The following BCL11A variants were observed in gnomAD, a reference collection of about 807,000 sequenced individuals.
BCL11A encodes the protein BCL11 transcription factor A, also known as B cell CLL/lymphoma 11A.
In BCL11A, 2 loss-of-function variants were observed where a neutral mutation model predicts 55.9. The observed-to-expected ratio is 0.04, with a 90% CI of 0.01 to 0.11. BCL11A has a LOEUF of 0.11. BCL11A is among the 10% of genes least tolerant of loss of function. The pLI is 1.00. For synonymous variants in BCL11A, 465 were observed against 473.4 expected, an observed-to-expected ratio of 0.98 and a Z score of 0.23; for missense variants, 817 against 1,137.1, an observed-to-expected ratio of 0.72 and a Z score of 4.05.
At chr2:60,530,136 A>T (rs1669380933) in intron 2 of BCL11A, among the ~76,000 whole-genome samples, 1 of 152,142 alleles carries the variant, frequency 6.6e-6, no homozygotes. Flanking sequence ...AAAATCGAGA[A>T]CAAAACAAGC....
At chr2:60,474,709 T>C (rs1272224410) in intron 2 of BCL11A, among the ~76,000 whole-genome samples, 1 of 152,196 alleles carries the variant, frequency 6.6e-6, no homozygotes, top group Non-Finnish European at 1.5e-5. Context: ...CAGGATAAAT[T>C]CCATTCATTC....
chr2:60,464,676 G>A (rs780266404), intron 3 of BCL11A, among the ~76,000 whole-genome samples: 2 of 152,188 alleles, frequency 1.3e-5, no homozygotes, highest in African/African-American at 4.8e-5. Flanking sequence ...TGTAGTCATT[G>A]ATAAATGCCA....
At chr2:60,537,345 T>C (rs888265890) in intron 2 of BCL11A, 2 of 152,218 alleles carry the variant, frequency 1.3e-5, no homozygotes, top group African/African-American at 2.4e-5. Flanking sequence ...AGATTTAACA[T>C]TGGTTAATGC....
At chr2:60,452,316 A>G, downstream of BCL11A, 1 of 380,956 alleles carries the variant, frequency 2.6e-6, no homozygotes, top group Admixed American at 4.0e-5. Context: ...CATGACAGCG[A>G]TGGTCCACGG....
chr2:60,483,996 CACTT>C (rs1678119113), intron 2 of BCL11A: 2 of 152,218 alleles, frequency 1.3e-5, no homozygotes, highest in Admixed American at 6.5e-5. Context: ...TGCATTGTGA[CACTT>C]ACCGCGTATG....
rs2104750314 is a variant in BCL11A, at chr2:60,546,119, T to G, written c.237A>C (p.Lys79Asn). 6.2e-7 allele frequency: 1 copy of G among 1,614,202 alleles called. No homozygotes were observed. The highest frequency in any genetic ancestry group is 8.5e-7 in the Non-Finnish European group (1 of 1,180,046). ...KQCNGSLCLE[K>N]AVDKPPSPSP... Reference sequence around the variant, plus strand: ...AAGGGGAAGGTGGCTTATCCACAGCTTTTTCTAAGCAGAGGCTGCCATTGC... The same window carrying G: ...AAGGGGAAGGTGGCTTATCCACAGCGTTTTCTAAGCAGAGGCTGCCATTGC... Residue 79 changes from lysine to asparagine, a missense_variant, in exon 2 of 4, where the codon AAA becomes AAC. By Grantham distance (94) the Lys-to-Asn change is moderately conservative. Around this residue, in one of 4 missense-constraint regions of BCL11A, gnomAD observed 363 missense variants for 486.6 expected, o/e 0.75. Coordinates refer to ENST00000642384, the MANE Select transcript of BCL11A (RefSeq NM_022893.4). The surrounding 1 kb of genome is among the most constrained non-coding windows in gnomAD (Gnocchi z 4.1).
intron 1 of BCL11A, among the ~76,000 whole-genome samples, chr2:60,550,156 G>A (rs1670338491): frequency 6.6e-6 from 1 of 151,974 alleles, no homozygotes; most frequent in Non-Finnish European, 1.5e-5. Flanking sequence ...GCCATGCCCC[G>A]AAGCCCTAGA....
In BCL11A at chr2:60,546,188, T is replaced by A; in HGVS notation, c.168A>T (p.Pro56=). ...LTCGQCQMNF[P]LGDILIFIEH... ...CGATAAAAATAAGAATGTCCCCCAA[T>A]GGGAAGTTCATCTGGCACTGCCCAC... Residue 56 remains proline (P), a synonymous_variant, in exon 2 of 4, where the codon CCA becomes CCT. Transcript: ENST00000642384. The surrounding 1 kb of genome is among the most constrained non-coding windows in gnomAD (Gnocchi z 4.1). 6.2e-7 allele frequency: 1 copy of A among 1,614,174 alleles called. No homozygotes were observed.
chr2:60,513,142 G>C (rs2104497861), intron 2 of BCL11A, among the ~76,000 whole-genome samples: 1 of 152,292 alleles, frequency 6.6e-6, no homozygotes, highest in South Asian at 2.1e-4. Flanking sequence ...AGTCTAGCCT[G>C]TGAGGGGTTG....
At position 60,460,455 on chromosome 2, in the gene BCL11A, C is replaced by T. The variant is rs1485196223; in HGVS notation, c.2457G>A (p.Met819Ile). 6.2e-7 allele frequency: 1 copy of T among 1,606,342 alleles called. No homozygotes were observed. Residue 819 changes from methionine (M) to isoleucine (I), a missense_variant, in exon 4 of 4, where the codon ATG becomes ATA. Coordinates refer to ENST00000642384, the MANE Select transcript of BCL11A (RefSeq NM_022893.4). ...FSVYSTLEKH[M>I]KKWHSDRVLN... ...ACACTCGATCACTGTGCCATTTTTT[C>T]ATGTGTTTCTCCAGGGTACTGTACA...
At chr2:60,539,746 T>C (rs1041231229) in intron 2 of BCL11A, among the ~76,000 whole-genome samples, 2 of 152,224 alleles carry the variant, frequency 1.3e-5, no homozygotes, top group Non-Finnish European at 2.9e-5. Flanking sequence ...TCAGGTTACA[T>C]TTCCTGGAAA....
chr2:60,517,861 G>A (rs71526485), intron 2 of BCL11A, among the ~76,000 whole-genome samples: 1,652 of 151,248 alleles, frequency 0.011, 19 homozygotes, highest in South Asian at 0.025. Context: ...GGCTTTCCAC[G>A]AAGGAAACTA....
At chr2:60,525,851 C>T (rs1669179093) in intron 2 of BCL11A, 1 of 152,216 alleles carries the variant, frequency 6.6e-6, no homozygotes, top group African/African-American at 2.4e-5. Context: ...CCAAACCAGT[C>T]TTGGTAATTT....
chr2:60,510,448 T>A (rs957872866), intron 2 of BCL11A, among the ~76,000 whole-genome samples: 2 of 152,206 alleles, frequency 1.3e-5, no homozygotes, highest in Non-Finnish European at 1.5e-5. Flanking sequence ...CCTTTGCTTC[T>A]CATTGGGCCT....
chr2:60,533,807 A>T (rs1056406191), intron 2 of BCL11A: 1 of 152,184 alleles, frequency 6.6e-6, no homozygotes, highest in Non-Finnish European at 1.5e-5. Context: ...TTAATAATTT[A>T]TTTGTGTTCT....
intron 1 of BCL11A, chr2:60,550,911 C>T: frequency 2.5e-6 from 1 of 398,350 alleles, no homozygotes; most frequent in Non-Finnish European, 4.4e-6. Flanking sequence ...CGCGTCTGAT[C>T]CGCATCCGGC....
intron 2 of BCL11A, among the ~76,000 whole-genome samples, chr2:60,487,029 C>T (rs183239897): frequency 8.0e-4 from 122 of 152,354 alleles, no homozygotes; most frequent in Middle Eastern, 3.4e-3. Flanking sequence ...TTAAGTCTAA[C>T]GTTGCTATTC....
intron 2 of BCL11A, chr2:60,524,564 C>G (rs1261394407): frequency 5.9e-5 from 9 of 151,416 alleles, no homozygotes; most frequent in Admixed American, 5.3e-4. Context: ...TACCAGTGCC[C>G]TTACAGAGCA....
intron 3 of BCL11A, among the ~76,000 whole-genome samples, chr2:60,465,410 A>C (rs1281225726): frequency 1.3e-5 from 2 of 152,244 alleles, no homozygotes; most frequent in African/African-American, 4.8e-5. Flanking sequence ...GTTTTGATTT[A>C]GAGCAATAAA....
Sources: allele counts gnomAD v4.1 joint callset (sites outside exome capture counted in the v4.1 genomes callset), GRCh38; gene constraint gnomAD v4.1.1; regional missense constraint gnomAD v4.1.1; non-coding constraint Gnocchi (gnomAD v3.1); transcripts MANE v1.5; gene names NCBI Gene and HGNC (gene_info 2026-07-23, HGNC 2026-07-21).